Variants in MTMR2 observed in about 807,000 individuals in gnomAD.
MTMR2 encodes the protein myotubularin related protein 2, also known as phosphatidylinositol-3,5-bisphosphate 3-phosphatase MTMR2.
In MTMR2, 55 loss-of-function variants were observed where a neutral mutation model predicts 86.9. The ratio of observed to expected loss-of-function variants is 0.63; its 90% CI spans 0.51 to 0.79. The LOEUF (loss-of-function observed/expected upper bound fraction) is 0.79, where lower values mean the gene tolerates loss of function less well. Ranked by LOEUF, MTMR2 falls within the 30% of genes least tolerant of loss-of-function variation. The pLI is 0.00. For synonymous variants in MTMR2, 241 were observed against 266.8 expected, an observed-to-expected ratio of 0.90 and a Z score of 0.94; for missense variants, 659 against 772.3, an observed-to-expected ratio of 0.85 and a Z score of 1.74.
chr11:95,855,387 C>G (rs1864172203), intron 7 of MTMR2, among the ~76,000 whole-genome samples: 1 of 151,746 alleles, frequency 6.6e-6, no homozygotes, highest in South Asian at 2.1e-4. Context: ...TCCCAAGTAG[C>G]TGGGACTACA....
At chr11:95,892,390 C>A (rs1477631305) in intron 1 of MTMR2, among the ~76,000 whole-genome samples, 1 of 152,198 alleles carries the variant, frequency 6.6e-6, no homozygotes, top group African/African-American at 2.4e-5. Context: ...GTCTTCTACA[C>A]TTTCATAGAC....
intron 2 of MTMR2, among the ~76,000 whole-genome samples, chr11:95,877,606 TA>T (rs1293698410): frequency 6.6e-6 from 1 of 152,020 alleles, no homozygotes; most frequent in Non-Finnish European, 1.5e-5. Flanking sequence ...GTTGCAGATA[TA>T]ATTAGTTAAG....
rs200889654 is a variant in MTMR2, at chr11:95,888,274, A to C, written c.81-13T>G. The C allele has an allele frequency of 6.4e-7, 1 of 1,572,812 alleles. No homozygotes were observed. The highest frequency in any genetic ancestry group is 2.2e-5 in the East Asian group (1 of 44,670). On this transcript the variant is annotated splice_polypyrimidine_tract_variant and intron_variant, in intron 1 of 14. Coordinates refer to ENST00000346299, the MANE Select transcript of MTMR2 (RefSeq NM_016156.6). ...AGAAGTGGAGGCACTACAAAATACA[A>C]AAGTACAGTATGTTGGAAAAATGGG...
chr11:95,871,446 T>TGGTA (rs1489121036), intron 2 of MTMR2, among the ~76,000 whole-genome samples: 1 of 152,188 alleles, frequency 6.6e-6, no homozygotes, highest in African/African-American at 2.4e-5. Context: ...TGGTGTGAGA[T>TGGTA]GGTATCTCAT....
chr11:95,891,098 G>C (rs115565335), intron 1 of MTMR2, among the ~76,000 whole-genome samples: 154 of 152,270 alleles, frequency 1.0e-3, no homozygotes, highest in African/African-American at 3.4e-3. Flanking sequence ...ATTATGGAGA[G>C]TGTATTATCT....
At chr11:95,838,420 C>G (rs1863392685) in intron 12 of MTMR2, among the ~76,000 whole-genome samples, 1 of 152,014 alleles carries the variant, frequency 6.6e-6, no homozygotes, top group Non-Finnish European at 1.5e-5. Flanking sequence ...TCTGCTATAT[C>G]TGCTAACCCT....
intron 2 of MTMR2, among the ~76,000 whole-genome samples, chr11:95,873,198 T>C (rs1467576629): frequency 1.3e-5 from 2 of 152,052 alleles, no homozygotes; most frequent in African/African-American, 4.8e-5. Context: ...ATGGTACCAG[T>C]TCCTCCTTGT....
intron 1 of MTMR2, among the ~76,000 whole-genome samples, chr11:95,917,244 T>C (rs1385390172): frequency 1.3e-5 from 2 of 152,192 alleles, no homozygotes; most frequent in African/African-American, 4.8e-5. Flanking sequence ...CCATCTTCCT[T>C]ACAAAGGAAA....
chr11:95,872,944 T>TTACATCCCAGGGATG (rs1298115886), intron 2 of MTMR2, among the ~76,000 whole-genome samples: 2 of 152,236 alleles, frequency 1.3e-5, no homozygotes, highest in African/African-American at 4.8e-5. Flanking sequence ...TGAACCAGCC[T>TTACATCCCAGGGATG]TACATCCCAG....
chr11:95,861,892 A>C, intron 5 of MTMR2, 100 bp downstream of exon 5: 1 of 903,892 alleles, frequency 1.1e-6, no homozygotes, highest in Non-Finnish European at 1.7e-6. Context: ...TCTAATTGGA[A>C]ATCCATTTTA....
At chr11:95,898,823 GA>G (rs1865971199) in intron 1 of MTMR2, among the ~76,000 whole-genome samples, 1 of 152,122 alleles carries the variant, frequency 6.6e-6, no homozygotes, top group African/African-American at 2.4e-5. Flanking sequence ...AAGTTGGCCA[GA>G]AGATTCTAAA....
intron 2 of MTMR2, among the ~76,000 whole-genome samples, chr11:95,878,512 T>G (rs1219658453): frequency 6.6e-6 from 1 of 152,028 alleles, no homozygotes; most frequent in Non-Finnish European, 1.5e-5. Context: ...CAAGGTACAG[T>G]CAACGTAATA....
At chr11:95,855,651 T>C (rs1360128520) in intron 7 of MTMR2, among the ~76,000 whole-genome samples, 1 of 152,190 alleles carries the variant, frequency 6.6e-6, no homozygotes, top group Non-Finnish European at 1.5e-5. Context: ...TGGCAGCACA[T>C]GATAAAGCCA....
chr11:95,838,702 G>A (rs1397738339), intron 12 of MTMR2, among the ~76,000 whole-genome samples: 1 of 151,910 alleles, frequency 6.6e-6, no homozygotes, highest in Non-Finnish European at 1.5e-5. Flanking sequence ...CATTGAAATG[G>A]CAATTACTTT....
chr11:95,879,204 T>G (rs913872959), intron 2 of MTMR2, among the ~76,000 whole-genome samples: 1 of 151,980 alleles, frequency 6.6e-6, no homozygotes, highest in Non-Finnish European at 1.5e-5. Context: ...AGATGACAGC[T>G]GAAACCACGA....
rs1317542888 is a variant in MTMR2 at position 95,861,433 on chromosome 11, T to TTATTA, written c.468+554_468+558dup. ...ATTATTATTATTATTATTATTATTATTATTATTTCAGACAGAGTCTTACTC... is the reference window on the plus strand; with the variant it reads ...ATTATTATTATTATTATTATTATTATTATTATATTATTTCAGACAGAGTCTTACTC... On this transcript the variant is annotated intron_variant, in intron 5 of 14. Transcript: ENST00000346299. Among the ~76,000 whole-genome samples the TTATTA allele has an allele frequency of 2.0e-5, 3 of 148,636 alleles. No individual in the cohort carries two copies. In the Admixed American group the frequency reaches 2.0e-4, roughly 10 times the overall value.
chr11:95,862,273 C>CG lies in MTMR2; in HGVS notation c.355dup (p.Arg119ProfsTer16). The CG allele has an allele frequency of 1.2e-6, 2 of 1,613,278 alleles. No individual in the cohort carries two copies. The highest frequency in any genetic ancestry group is 1.7e-6 in the Non-Finnish European group (2 of 1,179,368). ...ACAAAAATCTAATCTGACTCTTACCCGTTCCATGCTTTTGAAATATAACCT... is the reference window on the plus strand; with the variant it reads ...ACAAAAATCTAATCTGACTCTTACCCGGTTCCATGCTTTTGAAATATAACCT... On this transcript the variant is annotated frameshift_variant and splice_region_variant, in exon 4 of 15. Transcript: ENST00000346299. LOFTEE classifies it high-confidence loss of function.
chr11:95,859,253 T>A (rs1434203907), intron 5 of MTMR2, among the ~76,000 whole-genome samples: 1 of 152,180 alleles, frequency 6.6e-6, no homozygotes, highest in Admixed American at 6.5e-5. Context: ...CACATAACTC[T>A]GAATAGTTTA....
intron 1 of MTMR2, among the ~76,000 whole-genome samples, chr11:95,898,462 T>A (rs916453272): frequency 2.0e-5 from 3 of 151,976 alleles, no homozygotes; most frequent in African/African-American, 7.3e-5. Flanking sequence ...TTGGTGAACT[T>A]TCACTAGTAT....
Sources: allele counts gnomAD v4.1 joint callset (sites outside exome capture counted in the v4.1 genomes callset), GRCh38; gene constraint gnomAD v4.1.1; transcripts MANE v1.5; gene names NCBI Gene and HGNC (gene_info 2026-07-23, HGNC 2026-07-21).